Variants in DDHD2 observed in about 807,000 individuals in gnomAD.
DDHD2 encodes triacylglycerol hydrolase DDHD2.
In DDHD2, 62 loss-of-function variants were observed where a neutral mutation model predicts 91.2. That is an observed-to-expected ratio of 0.68 (90% CI 0.55 to 0.84). DDHD2 has a LOEUF of 0.84. Among genes scored for constraint, DDHD2 ranks in the 40% least tolerant of loss-of-function variants. DDHD2 has a pLI of 0.00. For synonymous variants in DDHD2, 271 were observed against 293.9 expected (o/e 0.92, Z 0.80); for missense variants, 740 against 846.9 (o/e 0.87, Z 1.57).
rs1287694195 is a variant in DDHD2 at position 38,262,835 on chromosome 8, G to A, written c.*2262G>A. ...AAGTCAAGAAAATCAGTACAGTCAC[G>A]ATTTTCTCTGTCTTTATGTATTACT... On this transcript the variant is annotated 3_prime_UTR_variant, in exon 18 of 18. Coordinates refer to ENST00000397166, the MANE Select transcript of DDHD2 (RefSeq NM_015214.3). 2.0e-5 allele frequency: 3 copies of A among 152,136 alleles called. No individual in the cohort carries two copies. Among genetic ancestry groups the A allele is most frequent in the African/African-American group, 7.2e-5 (3 of 41,426 alleles). 9.4% of individuals were successfully genotyped at this position (152,136 alleles called of 1,614,324 possible).
At chr8:38,257,729 A>G (rs1209767588) in intron 16 of DDHD2, among the ~76,000 whole-genome samples, 1 of 133,170 alleles carries the variant, frequency 7.5e-6, no homozygotes, top group African/African-American at 2.9e-5. Flanking sequence ...CAATGGTGTG[A>G]TCTCGGCTCA....
chr8:38,236,590 A>G (rs1804777279), intron 3 of DDHD2, among the ~76,000 whole-genome samples: 1 of 151,042 alleles, frequency 6.6e-6, no homozygotes, highest in Admixed American at 6.6e-5. Context: ...ATCTCAGCTC[A>G]CCGCAACCTC....
intron 13 of DDHD2, 143 bp downstream of exon 13, chr8:38,252,430 T>C (rs1806183074): frequency 1.1e-6 from 1 of 951,008 alleles, no homozygotes; most frequent in South Asian, 1.7e-5. Flanking sequence ...GATTTGGAAG[T>C]GATGGAGCAG....
chr8:38,252,077 A>G, intron 12 of DDHD2, 49 bp downstream of exon 12: 8 of 1,612,878 alleles, frequency 5.0e-6, no homozygotes, highest in Non-Finnish European at 6.8e-6. Context: ...TGTATGGTAG[A>G]AACAGATGTA....
chr8:38,269,174 GCCA>G (rs1278045027), intron 1 of DDHD2: 6 of 1,505,650 alleles, frequency 4.0e-6, no homozygotes, highest in Admixed American at 2.1e-5. Flanking sequence ...GGCCCCAAAG[GCCA>G]CCGCCGCCGC....
intron 16 of DDHD2, among the ~76,000 whole-genome samples, chr8:38,256,020 TG>T (rs1433167398): frequency 6.6e-6 from 1 of 152,228 alleles, no homozygotes; most frequent in East Asian, 1.9e-4. Context: ...GCCAATTTGT[TG>T]GGTGAAAATG....
downstream of DDHD2, chr8:38,267,055 A>G: frequency 5.6e-6 from 8 of 1,423,090 alleles, no homozygotes; most frequent in Non-Finnish European, 6.4e-6. Context: ...TAAATGTGCA[A>G]ATCTCATGAA....
intron 3 of DDHD2, among the ~76,000 whole-genome samples, chr8:38,236,720 A>AT (rs1804796279): frequency 1.3e-5 from 2 of 151,914 alleles, no homozygotes; most frequent in African/African-American, 4.8e-5. Flanking sequence ...GGATTTCTTC[A>AT]TGTTGGTCAG....
chr8:38,269,639 G>C (rs1385948980), intron 1 of DDHD2: 2 of 179,172 alleles, frequency 1.1e-5, no homozygotes, highest in African/African-American at 4.7e-5. Context: ...TCCCACCCAG[G>C]ATGGCCTCCT....
intron 9 of DDHD2, among the ~76,000 whole-genome samples, chr8:38,246,562 C>T (rs1050511818): frequency 2.6e-5 from 4 of 152,190 alleles, no homozygotes; most frequent in Admixed American, 1.3e-4. Context: ...GCACCACTGG[C>T]TGGGCGCGGT....
At chr8:38,238,393 C>G (rs551594514) in intron 5 of DDHD2, 184 bp downstream of exon 5, 2 of 1,366,322 alleles carry the variant, frequency 1.5e-6, no homozygotes, top group East Asian at 6.0e-5. Flanking sequence ...GTAAAAATAT[C>G]TTTTAAAACA....
rs1298410592 is a variant in DDHD2 at position 38,261,353 on chromosome 8, A to G, written c.*780A>G. The G allele has an allele frequency of 6.6e-6, 1 of 152,190 alleles. No individual in the cohort carries two copies. Among genetic ancestry groups the G allele is most frequent in the Non-Finnish European group, 1.5e-5 (1 of 68,038 alleles). The allele number at this position is 152,190 out of a possible 1,614,324, so 9.4% of individuals were successfully genotyped here. Reference sequence around the variant, plus strand: ...TTATATTTGATAGAAGTTATTTGCTAATAGCTTCTATTCTTACGTTGAAAA... The same window carrying G: ...TTATATTTGATAGAAGTTATTTGCTGATAGCTTCTATTCTTACGTTGAAAA... On this transcript the variant is annotated 3_prime_UTR_variant, in exon 18 of 18. Coordinates refer to ENST00000397166, the MANE Select transcript of DDHD2 (RefSeq NM_015214.3).
chr8:38,233,967 G>A (rs1414688052), intron 2 of DDHD2, among the ~76,000 whole-genome samples: 1 of 151,412 alleles, frequency 6.6e-6, no homozygotes, highest in Admixed American at 6.6e-5. Context: ...AGTATGTATA[G>A]AGTGGGGTGC....
intron 3 of DDHD2, among the ~76,000 whole-genome samples, chr8:38,235,255 T>C (rs1804621758): frequency 6.6e-6 from 1 of 152,090 alleles, no homozygotes; most frequent in Non-Finnish European, 1.5e-5. Context: ...TGATTTTTAT[T>C]AGAGATGGGG....
chr8:38,232,948 G>GTT, intron 1 of DDHD2, 39 bp from the exon 2 acceptor site: 1 of 1,520,890 alleles, frequency 6.6e-7, no homozygotes. Context: ...CAGTTACACA[G>GTT]TTAAGTTCGT....
At chr8:38,249,421 T>TA (rs1408664071) in intron 10 of DDHD2, among the ~76,000 whole-genome samples, 1 of 151,760 alleles carries the variant, frequency 6.6e-6, no homozygotes, top group Non-Finnish European at 1.5e-5. Context: ...GGAAGATTTT[T>TA]ATGTCCTGAA....
At position 38,245,956 on chromosome 8, in the gene DDHD2, A is replaced by G; in HGVS notation, c.1057+6A>G. ...CATTGCTGGTCATAGTTTAGGTAAC[A>G]AAATGAGTTCTGTGTGACCAGAGAA... is the stretch of plus-strand genomic sequence containing the variant. On this transcript the variant is annotated splice_donor_region_variant and intron_variant, in intron 8 of 17. Transcript: ENST00000397166. 6.2e-7 allele frequency: 1 copy of G among 1,610,534 alleles called. No homozygotes were observed. Among genetic ancestry groups the G allele is most frequent in the Non-Finnish European group, 8.5e-7 (1 of 1,178,208 alleles).
chr8:38,253,136 C>CA lies in DDHD2; in HGVS notation c.1891+10dup. ...TTCAGAGAAGCCTAGTGGTCAGTGA[C>CA]ACTGTACACATTGACCAGCTGCCAG... On this transcript the variant is annotated intron_variant, in intron 15 of 17. Coordinates refer to ENST00000397166, the MANE Select transcript of DDHD2 (RefSeq NM_015214.3). 6.2e-7 allele frequency: 1 copy of CA among 1,609,562 alleles called. No homozygotes were observed. Among genetic ancestry groups the CA allele is most frequent in the South Asian group, 1.1e-5 (1 of 90,320 alleles).
chr8:38,271,928 A>C (rs1419832739), downstream of DDHD2: 1 of 152,234 alleles, frequency 6.6e-6, no homozygotes, highest in African/African-American at 2.4e-5. Flanking sequence ...AAAGACAAGC[A>C]ACAAGTCCTG....
Sources: gnomAD v4.1 joint callset for allele counts (sites outside exome capture counted in the v4.1 genomes callset) on GRCh38, gnomAD v4.1.1 for gene constraint, MANE v1.5 for transcripts, NCBI Gene and HGNC (gene_info 2026-07-23, HGNC 2026-07-21) for gene names.